The following MARCHF3 variants were observed in gnomAD, a reference collection of about 807,000 sequenced individuals.
MARCHF3 encodes the protein membrane associated ring-CH-type finger 3.
Under a neutral mutation model 24.2 loss-of-function variants are expected in MARCHF3, and 13 were observed. That is an observed-to-expected ratio of 0.54 (90% CI 0.35 to 0.85). The LOEUF is 0.85. MARCHF3 is among the 40% of genes least tolerant of loss of function. The probability of loss-of-function intolerance (pLI) is 0.01; values close to 1 mark genes in which losing one functional copy is unlikely to be tolerated. For synonymous variants in MARCHF3, 144 were observed against 137.3 expected (o/e 1.05, Z -0.34); for missense variants, 276 against 325.0 (o/e 0.85, Z 1.16).
rs1464164181 is a variant in MARCHF3, at chr5:126,976,227, G to A, written c.-57+54123C>T. Among the ~76,000 whole-genome samples the A allele has an allele frequency of 5.9e-5, 9 of 152,326 alleles. No individual in the cohort carries two copies. The East Asian group carries it at 1.7e-3, about 29-fold the overall frequency. On this transcript the variant is annotated intron_variant, in intron 1 of 4. Transcript: ENST00000308660. The stretch of plus-strand genomic sequence containing the variant: ...TGTCCTCTATGGGACACACCTGGGT[G>A]TCCATACTACAGTGTGGAGGACCTT...
chr5:126,930,496 G>A (rs139971002), intron 1 of MARCHF3, among the ~76,000 whole-genome samples: 2 of 152,348 alleles, frequency 1.3e-5, no homozygotes, highest in African/African-American at 4.8e-5. Context: ...AGGGGGTCAG[G>A]AGAACTAATG....
At chr5:126,896,264 G>A (rs1580613100) in intron 3 of MARCHF3, among the ~76,000 whole-genome samples, 2 of 152,110 alleles carry the variant, frequency 1.3e-5, no homozygotes, top group Admixed American at 6.6e-5. Context: ...AGAAATCACC[G>A]TCTTCTGTGT....
At chr5:126,922,184 C>A (rs1554065892) in intron 1 of MARCHF3, among the ~76,000 whole-genome samples, 1 of 152,154 alleles carries the variant, frequency 6.6e-6, no homozygotes, top group Non-Finnish European at 1.5e-5. Flanking sequence ...CCTCAGCAGC[C>A]CCCAAACCTC....
chr5:126,972,493 A>G (rs1006152550), intron 1 of MARCHF3, among the ~76,000 whole-genome samples: 9 of 152,202 alleles, frequency 5.9e-5, no homozygotes, highest in African/African-American at 1.9e-4. Context: ...GATGAGGTCA[A>G]TTAACAAGAT....
At chr5:126,893,290 T>C (rs1753761048) in intron 3 of MARCHF3, among the ~76,000 whole-genome samples, 1 of 151,676 alleles carries the variant, frequency 6.6e-6, no homozygotes, top group Non-Finnish European at 1.5e-5. Flanking sequence ...TCTATTTCCT[T>C]CAGTTCTGCT....
intron 1 of MARCHF3, among the ~76,000 whole-genome samples, chr5:127,022,029 G>T (rs1363959458): frequency 6.6e-6 from 1 of 152,158 alleles, no homozygotes; most frequent in Non-Finnish European, 1.5e-5. Flanking sequence ...ACCTCATCTT[G>T]TTGTAATAAA....
chr5:126,974,492 G>GA (rs967389501), intron 1 of MARCHF3, among the ~76,000 whole-genome samples: 2 of 151,704 alleles, frequency 1.3e-5, no homozygotes, highest in African/African-American at 4.8e-5. Context: ...GAGGCAGAGG[G>GA]AAAAAAAAGT....
intron 1 of MARCHF3, among the ~76,000 whole-genome samples, chr5:126,930,698 G>A (rs1221600392): frequency 1.3e-5 from 2 of 152,338 alleles, no homozygotes; most frequent in Non-Finnish European, 1.5e-5. Context: ...GTGTATGCAC[G>A]AGAAACATTT....
Position 126,919,438 on chromosome 5 carries a change from G to A in MARCHF3, c.-56-1211C>T, listed in dbSNP as rs147498856. Among the ~76,000 whole-genome samples, 12 of 152,288 alleles carry A rather than the reference G, an allele frequency of 7.9e-5. No individual in the cohort carries two copies. The East Asian group carries it at 2.3e-3, about 29-fold the overall frequency. ...CTCACATCAAGAACCCATTTAGGTG[G>A]TCAAGGCTCAGACTTAAATAAATGA... On this transcript the variant is annotated intron_variant, in intron 1 of 4. Coordinates refer to ENST00000308660, the MANE Select transcript of MARCHF3 (RefSeq NM_178450.5).
chr5:126,994,324 G>T (rs1751874494), intron 1 of MARCHF3, among the ~76,000 whole-genome samples: 1 of 152,200 alleles, frequency 6.6e-6, no homozygotes. Flanking sequence ...GAGAAAACAG[G>T]TAAGTAGTGG....
intron 2 of MARCHF3, among the ~76,000 whole-genome samples, chr5:126,915,968 G>A (rs1754714157): frequency 6.6e-6 from 1 of 152,142 alleles, no homozygotes; most frequent in Non-Finnish European, 1.5e-5. Context: ...TCTAAAATGG[G>A]CACAAAAATG....
In MARCHF3 at chr5:126,878,226, G is replaced by A. The variant is rs779159722; in HGVS notation, c.562C>T (p.Leu188Phe). The A allele has an allele frequency of 6.2e-7, 1 of 1,614,274 alleles. No homozygotes were observed. Among genetic ancestry groups the A allele is most frequent in the Non-Finnish European group, 8.5e-7 (1 of 1,180,050 alleles). The change falls in exon 4 of 5, where the codon CTC becomes TTC. Residue 188 changes from leucine to phenylalanine, a missense_variant. Leu to Phe is a conservative substitution (Grantham distance 22). Transcript: ENST00000308660. ...TAAATAGTGAAGAGTGCGACAGTGA[G>A]TGCAATCAGTCCGACGGCTTCCAGC... ...SRLEAVGLIALTVALFTIYLF... is the reference protein window; with the variant it reads ...SRLEAVGLIAFTVALFTIYLF...
Position 126,868,782 on chromosome 5 carries a change from C to G in MARCHF3, c.*1851G>C, listed in dbSNP as rs1370479457. 6.6e-6 allele frequency: 1 copy of G among 152,198 alleles called. No homozygotes were observed. Among genetic ancestry groups the G allele is most frequent in the Admixed American group, 6.5e-5 (1 of 15,286 alleles). 9.4% of individuals were successfully genotyped at this position (152,198 alleles called of 1,614,324 possible). A position where few individuals can be genotyped will look rare whatever the true frequency, so the allele number is the denominator to read the frequency against. On this transcript the variant is annotated 3_prime_UTR_variant, in exon 5 of 5. Transcript: ENST00000308660. ...AAGTATATTACAGGGCTGCAATTCACCAGCTACCAAGTTGGACTCTTTGCT... is the reference window on the plus strand; with the variant it reads ...AAGTATATTACAGGGCTGCAATTCAGCAGCTACCAAGTTGGACTCTTTGCT...
At chr5:126,953,413 TG>T (rs749366723) in intron 1 of MARCHF3, among the ~76,000 whole-genome samples, 4 of 152,172 alleles carry the variant, frequency 2.6e-5, no homozygotes, top group African/African-American at 7.2e-5. Flanking sequence ...TTCTCTCTTT[TG>T]GGTTCCCTGT....
intron 1 of MARCHF3, among the ~76,000 whole-genome samples, chr5:126,977,888 G>A (rs1318039936): frequency 6.6e-6 from 1 of 152,156 alleles, no homozygotes; most frequent in Non-Finnish European, 1.5e-5. Flanking sequence ...GTGATTAGGG[G>A]TACAAACAAA....
intron 2 of MARCHF3, among the ~76,000 whole-genome samples, chr5:126,917,619 T>G (rs1422282321): frequency 6.6e-6 from 1 of 152,164 alleles, no homozygotes; most frequent in African/African-American, 2.4e-5. Context: ...TTTGACTCAG[T>G]CGCCTGAAAT....
At chr5:127,000,828 G>A (rs1254279642) in intron 1 of MARCHF3, among the ~76,000 whole-genome samples, 1 of 149,646 alleles carries the variant, frequency 6.7e-6, no homozygotes, top group Non-Finnish European at 1.5e-5. Flanking sequence ...CACCACGCCC[G>A]GCTAATTTTT....
chr5:126,950,827 G>A lies in MARCHF3; in HGVS notation c.-56-32600C>T, dbSNP rs115065782. Reference sequence around the variant, plus strand: ...ACAGCAAATCTCCCTGAAATAGAAGGCTTTTCCATTTTTGTCTCCTATTAC... The same window carrying A: ...ACAGCAAATCTCCCTGAAATAGAAGACTTTTCCATTTTTGTCTCCTATTAC... On this transcript the variant is annotated intron_variant, in intron 1 of 4. Transcript: ENST00000308660. 9.9e-3 allele frequency among the ~76,000 whole-genome samples: 1,512 copies of A among 152,140 alleles called. 19 individuals carry two copies. The highest frequency in any genetic ancestry group is 0.035 in the African/African-American group (1,444 of 41,488).
chr5:126,893,025 T>A (rs1753750803), intron 3 of MARCHF3, among the ~76,000 whole-genome samples: 1 of 151,950 alleles, frequency 6.6e-6, no homozygotes, highest in Admixed American at 6.6e-5. Context: ...TGGGAGGGTG[T>A]ATGTGTCGAG....
Sources: gnomAD v4.1 joint callset for allele counts (sites outside exome capture counted in the v4.1 genomes callset) on GRCh38, gnomAD v4.1.1 for gene constraint, MANE v1.5 for transcripts, NCBI Gene and HGNC (gene_info 2026-07-23, HGNC 2026-07-21) for gene names.